Variants in ZGRF1 observed in about 807,000 individuals in gnomAD.
ZGRF1 encodes 5'-3' DNA helicase ZGRF1.
In ZGRF1, 196 loss-of-function variants were observed where a neutral mutation model predicts 203.5. That is an observed-to-expected ratio of 0.96 (90% CI 0.86 to 1.08). ZGRF1 has a LOEUF of 1.08. Ranked by LOEUF, ZGRF1 falls within the 50% of genes least tolerant of loss-of-function variation. The pLI is 0.00. For missense variants in ZGRF1, 2,326 were observed against 2,416.3 expected (o/e 0.96, Z 0.78); for synonymous variants, 809 against 841.3 (o/e 0.96, Z 0.66).
In ZGRF1 at chr4:112,619,700, TTAAAA is replaced by T; in HGVS notation, c.352-15_352-11del. The T allele has an allele frequency of 6.4e-7, 1 of 1,570,000 alleles. No individual in the cohort carries two copies. The highest frequency in any genetic ancestry group is 8.6e-7 in the Non-Finnish European group (1 of 1,157,454). On this transcript the variant is annotated splice_polypyrimidine_tract_variant and intron_variant, in intron 5 of 27. Transcript: ENST00000505019. ...GTGGTCCTTGAAAACCCTGAAAATA[TTAAAA>T]TAACTGTTAGGTGTACCATTACCCA...
chr4:112,547,221 AACAC>A, intron 24 of ZGRF1, 60 bp downstream of exon 24: 23 of 1,410,088 alleles, frequency 1.6e-5, no homozygotes, highest in South Asian at 2.9e-5. Context: ...ATTCTCTATC[AACAC>A]ACACACACAC....
intron 24 of ZGRF1, among the ~76,000 whole-genome samples, chr4:112,542,020 C>T (rs1055673868): frequency 3.3e-5 from 5 of 152,138 alleles, no homozygotes; most frequent in East Asian, 3.8e-4. Flanking sequence ...TCTACTTTAA[C>T]GCTCTTCGAG....
chr4:112,574,098 T>C (rs1560785733), intron 16 of ZGRF1, among the ~76,000 whole-genome samples: 20 of 152,236 alleles, frequency 1.3e-4, no homozygotes. Flanking sequence ...TATGTTCATA[T>C]GCTGTAAGGC....
chr4:112,583,311 T>C (rs1746602851), intron 15 of ZGRF1, among the ~76,000 whole-genome samples: 1 of 152,208 alleles, frequency 6.6e-6, no homozygotes, highest in Admixed American at 6.5e-5. Flanking sequence ...AGCTATGTAG[T>C]TCAGACATGC....
intron 16 of ZGRF1, among the ~76,000 whole-genome samples, chr4:112,564,683 A>C (rs952113219): frequency 2.0e-5 from 3 of 152,054 alleles, no homozygotes; most frequent in African/African-American, 7.2e-5. Flanking sequence ...TTACTTGTTT[A>C]ATTTTTTTTC....
chr4:112,581,546 T>C (rs923171790), intron 16 of ZGRF1, 117 bp downstream of exon 16: 1 of 471,120 alleles, frequency 2.1e-6, no homozygotes, highest in Non-Finnish European at 3.2e-6. Flanking sequence ...CATATTACTA[T>C]TAAATTATAC....
intron 16 of ZGRF1, 119 bp from the exon 17 acceptor site, chr4:112,563,393 A>C (rs1742383903): frequency 1.6e-6 from 1 of 641,448 alleles, no homozygotes; most frequent in Non-Finnish European, 2.5e-6. Context: ...ATATACATAC[A>C]CAAGATGAGA....
intron 10 of ZGRF1, among the ~76,000 whole-genome samples, 191 bp downstream of exon 10, chr4:112,603,333 A>G (rs1220631551): frequency 6.6e-6 from 1 of 152,222 alleles, no homozygotes; most frequent in Non-Finnish European, 1.5e-5. Flanking sequence ...TAAACTCCCA[A>G]TGTTAAAAAA....
At position 112,627,495 on chromosome 4, in the gene ZGRF1, C is replaced by T. The variant is rs527450123; in HGVS notation, c.103-3619G>A. ...GTGGCTCATGTCTGTAATCCCAGCA[C>T]TTTAAGAGGCCGAGGCGGGTGGATC... is the stretch of plus-strand genomic sequence containing the variant. On this transcript the variant is annotated intron_variant, in intron 3 of 27. Transcript: ENST00000505019. Among the ~76,000 whole-genome samples, 12 of 152,292 alleles carry T rather than the reference C, an allele frequency of 7.9e-5. No homozygotes were observed. In the East Asian group the frequency reaches 1.5e-3, roughly 20 times the overall value.
chr4:112,600,282 C>T (rs1399629235), intron 10 of ZGRF1, among the ~76,000 whole-genome samples: 1 of 152,160 alleles, frequency 6.6e-6, no homozygotes, highest in Non-Finnish European at 1.5e-5. Flanking sequence ...GATCCTCCTG[C>T]TTCAGGCTCC....
intron 8 of ZGRF1, among the ~76,000 whole-genome samples, chr4:112,607,545 A>G (rs1404273525): frequency 6.6e-6 from 1 of 152,266 alleles, no homozygotes; most frequent in Non-Finnish European, 1.5e-5. Context: ...AATGAGGCAG[A>G]AGTGGCATTA....
intron 4 of ZGRF1, 61 bp downstream of exon 4, chr4:112,623,756 G>A (rs1040682655): frequency 2.9e-5 from 23 of 788,102 alleles, no homozygotes; most frequent in Non-Finnish European, 4.9e-5. Flanking sequence ...TATTCATAAA[G>A]GAGGTATTTA....
chr4:112,619,247 A>G lies in ZGRF1; in HGVS notation c.795T>C (p.Ser265=). The change falls in exon 6 of 28, where the codon AGT becomes AGC. Residue 265 remains serine (S), a synonymous_variant. Coordinates refer to ENST00000505019, the MANE Select transcript of ZGRF1 (RefSeq NM_018392.5). The part of the protein sequence containing the change: ...ILALLKSESS[S]SCEELNSEMT... ...TCTCAGAATTTAGTTCCTCACATGA[A>G]CTAGATGATTCGGACTTCAGAAGAG... The G allele has an allele frequency of 6.2e-7, 1 of 1,613,300 alleles. No homozygotes were observed. Among genetic ancestry groups the G allele is most frequent in the Non-Finnish European group, 8.5e-7 (1 of 1,179,960 alleles).
intron 8 of ZGRF1, among the ~76,000 whole-genome samples, chr4:112,608,193 C>A (rs1364656796): frequency 6.6e-6 from 1 of 152,150 alleles, no homozygotes; most frequent in Non-Finnish European, 1.5e-5. Flanking sequence ...AGATTATAGG[C>A]ACGGGCCACT....
chr4:112,563,820 G>A (rs1742475983), intron 16 of ZGRF1, among the ~76,000 whole-genome samples: 2 of 152,224 alleles, frequency 1.3e-5, no homozygotes, highest in South Asian at 4.1e-4. Context: ...CACAGCACCA[G>A]TGAATAACCA....
Position 112,618,937 on chromosome 4 carries a change from G to A in ZGRF1, c.1105C>T (p.Gln369Ter), listed in dbSNP as rs1203913128. Residue 369 changes from glutamine to a stop codon, truncating the protein, a stop_gained, in exon 6 of 28, where the codon CAA becomes TAA. Coordinates refer to ENST00000505019, the MANE Select transcript of ZGRF1 (RefSeq NM_018392.5). LOFTEE classifies it high-confidence loss of function. ...VNSNLKDLSLQKIIQFVETYA... is the reference protein window; with the variant it reads ...VNSNLKDLSL ...GTTTCAACGAACTGTATAATTTTTT[G>A]TAATGAAAGGTCTTTCAAATTAGAA... 1 of 1,613,616 alleles carries A rather than the reference G, an allele frequency of 6.2e-7. No homozygotes were observed. Among genetic ancestry groups the A allele is most frequent in the Non-Finnish European group, 8.5e-7 (1 of 1,179,836 alleles).
At chr4:112,608,275 A>G (rs907308012) in intron 8 of ZGRF1, among the ~76,000 whole-genome samples, 8 of 152,224 alleles carry the variant, frequency 5.3e-5, no homozygotes, top group Admixed American at 1.3e-4. Flanking sequence ...CGAAAAAATA[A>G]TGATAGTGTT....
At chr4:112,575,384 C>A (rs1355548738) in intron 16 of ZGRF1, among the ~76,000 whole-genome samples, 1 of 152,194 alleles carries the variant, frequency 6.6e-6, no homozygotes, top group Non-Finnish European at 1.5e-5. Flanking sequence ...GCATTTCCAA[C>A]TGAGATACCG....
chr4:112,562,724 C>T (rs916947848), intron 17 of ZGRF1, among the ~76,000 whole-genome samples: 3 of 152,172 alleles, frequency 2.0e-5, no homozygotes, highest in Non-Finnish European at 4.4e-5. Context: ...TTTGGACTTC[C>T]ATATATCAGC....
Sources: gnomAD v4.1 joint callset for allele counts (sites outside exome capture counted in the v4.1 genomes callset) on GRCh38, gnomAD v4.1.1 for gene constraint, MANE v1.5 for transcripts, NCBI Gene and HGNC (gene_info 2026-07-23, HGNC 2026-07-21) for gene names.